RANBP3L: variants seen among roughly 807,000 people sequenced by gnomAD.
RANBP3L encodes the protein ran-binding protein 3-like.
In RANBP3L, 56 loss-of-function variants were observed where a neutral mutation model predicts 67.2. The observed-to-expected ratio is 0.83, with a 90% CI of 0.67 to 1.04. The LOEUF is 1.04. RANBP3L is among the 50% of genes least tolerant of loss of function. The pLI, the probability that RANBP3L is intolerant of heterozygous loss-of-function variation, is 0.00. For synonymous variants in RANBP3L, 164 were observed against 181.4 expected (o/e 0.90, Z 0.77); for missense variants, 496 against 535.5 (o/e 0.93, Z 0.73).
chr5:36,289,029 A>G (rs1457913803), intron 1 of RANBP3L, among the ~76,000 whole-genome samples: 1 of 151,594 alleles, frequency 6.6e-6, no homozygotes, highest in African/African-American at 2.4e-5. Flanking sequence ...ATTTTCCTAC[A>G]TTTCTTCTAG....
intron 1 of RANBP3L, among the ~76,000 whole-genome samples, chr5:36,286,684 A>G (rs1458160017): frequency 1.3e-5 from 2 of 152,232 alleles, no homozygotes; most frequent in Non-Finnish European, 2.9e-5. Flanking sequence ...TCACTAACCT[A>G]GATAACTGTG....
At chr5:36,298,443 G>A (rs753593680) in intron 1 of RANBP3L, among the ~76,000 whole-genome samples, 2 of 152,198 alleles carry the variant, frequency 1.3e-5, no homozygotes, top group African/African-American at 2.4e-5. Flanking sequence ...GGCCAAAGCC[G>A]TGAACCCAGG....
chr5:36,267,491 G>A (rs1200886697), intron 4 of RANBP3L, among the ~76,000 whole-genome samples: 2 of 151,318 alleles, frequency 1.3e-5, no homozygotes, highest in East Asian at 3.9e-4. Flanking sequence ...CTGGGCGACA[G>A]AGCCAGACTC....
rs1255444274 is a variant in RANBP3L, at chr5:36,301,399, T to C, written c.18A>G (p.Arg6=). The change falls in exon 1 of 14, where the codon AGA becomes AGG. Residue 6 remains arginine, a synonymous_variant. Transcript: ENST00000296604. MTTIP[R]KGSSHLPGSL... Reference sequence around the variant, plus strand: ...TGCCAGGCAGGTGGCTGCTGCCTTTTCTTGGTATGGTAGTCATGGTCCTAG... The same window carrying C: ...TGCCAGGCAGGTGGCTGCTGCCTTTCCTTGGTATGGTAGTCATGGTCCTAG... 6.8e-6 allele frequency: 11 copies of C among 1,613,638 alleles called. No homozygotes were observed. Among genetic ancestry groups the C allele is most frequent in the Non-Finnish European group, 9.3e-6 (11 of 1,179,760 alleles).
chr5:36,261,246 G>A (rs1447339661), intron 7 of RANBP3L, among the ~76,000 whole-genome samples: 1 of 152,148 alleles, frequency 6.6e-6, no homozygotes, highest in Non-Finnish European at 1.5e-5. Context: ...CAGGGCAAAA[G>A]CGAAACCCTG....
chr5:36,292,575 G>A (rs1040087305), intron 1 of RANBP3L, among the ~76,000 whole-genome samples: 15 of 152,116 alleles, frequency 9.9e-5, no homozygotes, highest in African/African-American at 3.1e-4. Flanking sequence ...ATTGATTTTT[G>A]TATAAGGTGT....
At chr5:36,251,176 C>T (rs1748562430) in intron 13 of RANBP3L, 137 bp downstream of exon 13, 3 of 631,368 alleles carry the variant, frequency 4.8e-6, no homozygotes. Flanking sequence ...CTCCTCAGAT[C>T]CAAACAACTA....
intron 1 of RANBP3L, among the ~76,000 whole-genome samples, chr5:36,286,274 C>A (rs758753982): frequency 2.0e-5 from 3 of 152,088 alleles, no homozygotes; most frequent in East Asian, 1.9e-4. Flanking sequence ...CCCAAAAGAA[C>A]CTGAAAGGTG....
At chr5:36,264,904 TGCA>T in intron 6 of RANBP3L, 52 bp downstream of exon 6, 1 of 1,554,990 alleles carries the variant, frequency 6.4e-7, no homozygotes, top group Non-Finnish European at 8.7e-7. Flanking sequence ...CCAAACAACC[TGCA>T]AAAAGAAAGA....
Position 36,278,201 on chromosome 5 carries a change from A to G in RANBP3L, c.92-6890T>C, listed in dbSNP as rs910050750. Among the ~76,000 whole-genome samples the G allele has an allele frequency of 3.9e-5, 6 of 151,916 alleles. No homozygotes were observed. The East Asian group carries it at 5.8e-4, about 15-fold the overall frequency. On this transcript the variant is annotated intron_variant, in intron 1 of 13. Coordinates refer to ENST00000296604, the MANE Select transcript of RANBP3L (RefSeq NM_145000.5). ...AAAGTCTTTCTTTTTCTTTTCACTC[A>G]TTACCTTATGCTTACCCCTAGCTTG...
chr5:36,249,830 T>G (rs1400035668), intron 13 of RANBP3L, 133 bp from the exon 14 acceptor site: 4 of 395,106 alleles, frequency 1.0e-5, no homozygotes. Flanking sequence ...AGAATATACA[T>G]TTTTACAAGC....
At chr5:36,289,825 A>T (rs1204243807) in intron 1 of RANBP3L, among the ~76,000 whole-genome samples, 3 of 152,102 alleles carry the variant, frequency 2.0e-5, no homozygotes, top group African/African-American at 4.8e-5. Flanking sequence ...CTGCAAAAAA[A>T]AAAAAGATAG....
At chr5:36,264,051 A>C (rs559481712) in intron 6 of RANBP3L, among the ~76,000 whole-genome samples, 2 of 152,372 alleles carry the variant, frequency 1.3e-5, no homozygotes, top group Non-Finnish European at 2.9e-5. Context: ...AAAATATTGG[A>C]AAGTGCTGAT....
intron 1 of RANBP3L, among the ~76,000 whole-genome samples, chr5:36,291,445 A>T (rs986085360): frequency 2.0e-5 from 3 of 151,648 alleles, no homozygotes; most frequent in African/African-American, 4.8e-5. Context: ...CATGTGCACA[A>T]TGTGCAGGTT....
At position 36,254,939 on chromosome 5, in the gene RANBP3L, T is replaced by G. The variant is rs4869633; in HGVS notation, c.1024+531A>C. 0.012 allele frequency among the ~76,000 whole-genome samples: 1,827 copies of G among 152,206 alleles called. 147 individuals carry two copies. The East Asian group carries it at 0.22, about 18-fold the overall frequency. The stretch of plus-strand genomic sequence containing the variant: ...TGCAGGATTCAATAACTACACACCT[T>G]AGAACTAATCTCTTTCCTTAGAGAC... On this transcript the variant is annotated intron_variant, in intron 11 of 13. Coordinates refer to ENST00000296604, the MANE Select transcript of RANBP3L (RefSeq NM_145000.5).
At chr5:36,296,379 T>C (rs1561148827) in intron 1 of RANBP3L, among the ~76,000 whole-genome samples, 1 of 152,156 alleles carries the variant, frequency 6.6e-6, no homozygotes, top group Non-Finnish European at 1.5e-5. Context: ...CAGAATTGAA[T>C]TGAATTGTAC....
At position 36,251,492 on chromosome 5, in the gene RANBP3L, G is replaced by T; in HGVS notation, c.1175C>A (p.Ala392Asp). Residue 392 changes from alanine (A) to aspartate (D), a missense_variant, in exon 13 of 14, where the codon GCC (alanine) becomes GAC (aspartate). Ala to Asp is a moderately radical substitution (Grantham distance 126, BLOSUM62 -2). Transcript: ENST00000296604. ...TGCATACAAATATGCTGTATCTTGG[G>T]CACTGGCCTGCATGAGGAACATTAA... ...SIKIFLIQAS[A>D]QDTAYLYAAI... The T allele has an allele frequency of 6.3e-7, 1 of 1,599,368 alleles. No individual in the cohort carries two copies. Among genetic ancestry groups the T allele is most frequent in the Non-Finnish European group, 8.5e-7 (1 of 1,170,714 alleles).
intron 4 of RANBP3L, among the ~76,000 whole-genome samples, chr5:36,267,227 G>A (rs1365573129): frequency 2.6e-5 from 4 of 152,150 alleles, no homozygotes; most frequent in Non-Finnish European, 4.4e-5. Flanking sequence ...CTGTTGTTCA[G>A]GCCAGGCATG....
intron 10 of RANBP3L, among the ~76,000 whole-genome samples, chr5:36,256,501 A>G (rs1378583186): frequency 1.3e-5 from 2 of 152,188 alleles, no homozygotes; most frequent in Admixed American, 6.5e-5. Flanking sequence ...CTTGAATTAC[A>G]TGAAATTCTA....
Sources: allele counts gnomAD v4.1 joint callset (sites outside exome capture counted in the v4.1 genomes callset), GRCh38; gene constraint gnomAD v4.1.1; transcripts MANE v1.5; gene names NCBI Gene and HGNC (gene_info 2026-07-23, HGNC 2026-07-21).